PROM1: variants seen among roughly 807,000 people sequenced by gnomAD.
PROM1 encodes the protein prominin 1, also known as prominin-1.
In PROM1, 105 loss-of-function variants were observed where a neutral mutation model predicts 116.9. That is an observed-to-expected ratio of 0.90 (90% CI 0.77 to 1.06). The LOEUF (loss-of-function observed/expected upper bound fraction) is 1.06, where lower values mean the gene tolerates loss of function less well. Ranked by LOEUF, PROM1 falls within the 50% of genes least tolerant of loss-of-function variation. The probability of loss-of-function intolerance (pLI) is 0.00; values close to 1 mark genes in which losing one functional copy is unlikely to be tolerated. For missense variants in PROM1, 1,122 were observed against 1,045.2 expected, an observed-to-expected ratio of 1.07 and a Z score of -1.01; for synonymous variants, 393 against 387.0, an observed-to-expected ratio of 1.02 and a Z score of -0.18.
At position 16,012,420 on chromosome 4, in the gene PROM1, T is replaced by C. The variant is rs143885177; in HGVS notation, c.1141+855A>G. ...ATCCCATAACCCAAATACAGCATGA[T>C]TCAGTAATTTGGGTAGAATCCTCTC... On this transcript the variant is annotated intron_variant, in intron 11 of 27. Transcript: ENST00000447510. Among the ~76,000 whole-genome samples the C allele has an allele frequency of 3.0e-3, 462 of 152,310 alleles. 5 individuals carry two copies. Among genetic ancestry groups the C allele is most frequent in the African/African-American group, 0.011 (448 of 41,566 alleles).
At position 16,075,880 on chromosome 4, in the gene PROM1, C is replaced by T; in HGVS notation, c.27G>A (p.Leu9=). Residue 9 remains leucine, a synonymous_variant, in exon 2 of 28, where the codon TTG becomes TTA. Transcript: ENST00000447510. MALVLGSL[L]LLGLCGNSFS... ...AGGAGTTCCCGCACAGCCCCAGCAG[C>T]AACAGGGAGCCGAGTACGAGGGCCA... 6.2e-7 allele frequency: 1 copy of T among 1,612,950 alleles called. No homozygotes were observed. Among genetic ancestry groups the T allele is most frequent in the Non-Finnish European group, 8.5e-7 (1 of 1,179,368 alleles).
Position 16,023,358 on chromosome 4 carries a change from G to T in PROM1, c.752C>A (p.Pro251His). ...ILDRLRPNII[P>H]VLDEIKSMAT... ...CATGGACTTAATCTCATCAAGAACA[G>T]GGATGATGTTGGGTCTCAGTCGGTC... The change falls in exon 8 of 28, where the codon CCT becomes CAT. Residue 251 changes from proline (P) to histidine (H), a missense_variant. Pro to His is a moderately conservative substitution (Grantham distance 77). Transcript: ENST00000447510. 5.0e-6 allele frequency: 8 copies of T among 1,607,682 alleles called. No individual in the cohort carries two copies. The highest frequency in any genetic ancestry group is 6.8e-6 in the Non-Finnish European group (8 of 1,176,734).
chr4:16,059,627 C>A (rs1344101354), intron 2 of PROM1, among the ~76,000 whole-genome samples: 4 of 152,062 alleles, frequency 2.6e-5, no homozygotes, highest in Non-Finnish European at 5.9e-5. Context: ...TCGCCTAAGC[C>A]CAGGAGGTGG....
intron 9 of PROM1, 160 bp downstream of exon 9, chr4:16,018,163 C>A (rs974343020): frequency 4.6e-6 from 3 of 655,232 alleles, no homozygotes; most frequent in Non-Finnish European, 8.0e-6. Context: ...TGTGGTCATT[C>A]CAATATGGTG....
chr4:16,025,082 G>C (rs961018894), intron 6 of PROM1, 110 bp downstream of exon 6: 1 of 1,325,538 alleles, frequency 7.5e-7, no homozygotes, highest in Admixed American at 2.0e-5. Context: ...ACCAGTCTAC[G>C]CTGATTCACT....
intron 2 of PROM1, among the ~76,000 whole-genome samples, chr4:16,043,780 G>A (rs910988008): frequency 1.7e-4 from 26 of 152,172 alleles, no homozygotes; most frequent in Non-Finnish European, 5.9e-5. Flanking sequence ...GTGGTTCTGC[G>A]CCTCTCCATC....
At position 16,069,022 on chromosome 4, in the gene PROM1, G is replaced by A. The variant is rs976002745; in HGVS notation, c.220+6665C>T. The stretch of plus-strand genomic sequence containing the variant: ...GGCCAAGGCATGCGGATCACCTGAG[G>A]TTAGGAGTTCAAGACCAGCCTAGCC... On this transcript the variant is annotated intron_variant, in intron 2 of 27. Transcript: ENST00000447510. 2.6e-5 allele frequency among the ~76,000 whole-genome samples: 4 copies of A among 152,172 alleles called. 1 individual carries two copies. The highest frequency in any genetic ancestry group is 1.3e-4 in the Admixed American group (2 of 15,274).
At chr4:15,984,718 A>G (rs1560403142) in intron 22 of PROM1, among the ~76,000 whole-genome samples, 2 of 152,210 alleles carry the variant, frequency 1.3e-5, no homozygotes, top group Non-Finnish European at 2.9e-5. Context: ...AGGAATCTCA[A>G]TTGTGCTCCT....
intron 2 of PROM1, among the ~76,000 whole-genome samples, chr4:16,060,360 A>G (rs184828299): frequency 4.0e-5 from 6 of 150,758 alleles, no homozygotes; most frequent in African/African-American, 1.5e-4. Context: ...CCCAGGCCAG[A>G]GTGCAGTGGT....
intron 2 of PROM1, among the ~76,000 whole-genome samples, chr4:16,062,544 T>C (rs1331589797): frequency 6.6e-6 from 1 of 152,236 alleles, no homozygotes; most frequent in African/African-American, 2.4e-5. Context: ...TGAAATTACA[T>C]GTGAGTAAAT....
In PROM1 at chr4:16,036,434, T is replaced by C. The variant is rs1044406183; in HGVS notation, c.277-673A>G. Among the ~76,000 whole-genome samples, 4 of 152,242 alleles carry C rather than the reference T, an allele frequency of 2.6e-5. 1 individual carries two copies. The highest frequency in any genetic ancestry group is 9.6e-5 in the African/African-American group (4 of 41,548). On this transcript the variant is annotated intron_variant, in intron 3 of 27. Transcript: ENST00000447510. ...TCACTTTTAAATGAGGCATCCAAAA[T>C]ACTGGGACTGGGGGGCAGTTCAGAT...
Position 15,995,625 on chromosome 4 carries a change from C to G in PROM1, c.1683-1554G>C, listed in dbSNP as rs368597703. Among the ~76,000 whole-genome samples the G allele has an allele frequency of 1.1e-3, 167 of 152,204 alleles. 1 individual carries two copies. The highest frequency in any genetic ancestry group is 3.7e-3 in the African/African-American group (152 of 41,540). ...TGGTAGTGGGATTTTTAAAAGCTCC[C>G]AAAGAGTAGCCTACTGCCCCTACCT... On this transcript the variant is annotated intron_variant, in intron 15 of 27. Transcript: ENST00000447510.
At chr4:16,019,754 T>A (rs1462202083) in intron 8 of PROM1, among the ~76,000 whole-genome samples, 1 of 152,162 alleles carries the variant, frequency 6.6e-6, no homozygotes, top group Non-Finnish European at 1.5e-5. Flanking sequence ...ACAGAACAGA[T>A]GGTGGAGGAT....
intron 2 of PROM1, among the ~76,000 whole-genome samples, chr4:16,064,343 T>G (rs1741026093): frequency 1.3e-5 from 2 of 152,182 alleles, no homozygotes; most frequent in Non-Finnish European, 2.9e-5. Context: ...CACAAAATGT[T>G]GAGCAAAAGA....
chr4:16,000,029 C>T (rs957551756), intron 14 of PROM1, among the ~76,000 whole-genome samples: 4 of 152,180 alleles, frequency 2.6e-5, no homozygotes, highest in East Asian at 1.9e-4. Context: ...CCAGGTCAGC[C>T]CTCTGCCACG....
rs1713598127 is a variant in PROM1, at chr4:15,968,415, T to C, written c.*978A>G. 6.6e-6 allele frequency: 1 copy of C among 152,214 alleles called. No homozygotes were observed. The highest frequency in any genetic ancestry group is 6.5e-5 in the Admixed American group (1 of 15,282). The allele number at this position is 152,214 out of a possible 1,614,324, so 9.4% of individuals were successfully genotyped here. A position where few individuals can be genotyped will look rare whatever the true frequency, so the allele number is the denominator to read the frequency against. On this transcript the variant is annotated 3_prime_UTR_variant, in exon 28 of 28. Transcript: ENST00000447510. ...GAAACTCCTGAAGCAAATGAATATT[T>C]ACCTTGTGCTTTCATGCAAATTTAG...
chr4:16,008,102 T>C (rs980802355), intron 12 of PROM1, among the ~76,000 whole-genome samples: 4 of 152,210 alleles, frequency 2.6e-5, no homozygotes, highest in African/African-American at 9.6e-5. Context: ...CCATAAATGG[T>C]AGCAACTGCT....
chr4:15,997,138 C>G (rs1722513730), intron 15 of PROM1, among the ~76,000 whole-genome samples: 1 of 151,576 alleles, frequency 6.6e-6, no homozygotes. Flanking sequence ...AGACTACCAA[C>G]CATCAGACTA....
intron 2 of PROM1, among the ~76,000 whole-genome samples, chr4:16,050,745 G>A (rs1737673946): frequency 6.6e-6 from 1 of 152,160 alleles, no homozygotes; most frequent in Admixed American, 6.5e-5. Context: ...GTTAATATAA[G>A]TTTATTCTGA....
Sources: allele counts gnomAD v4.1 joint callset (sites outside exome capture counted in the v4.1 genomes callset), GRCh38; gene constraint gnomAD v4.1.1; transcripts MANE v1.5; gene names NCBI Gene and HGNC (gene_info 2026-07-23, HGNC 2026-07-21).